LRRC4C: variants seen among roughly 807,000 people sequenced by gnomAD.
The protein encoded by LRRC4C is leucine rich repeat containing 4C.
In LRRC4C, 5 loss-of-function variants were observed where a neutral mutation model predicts 33.6. The observed-to-expected ratio is 0.15, with a 90% CI of 0.08 to 0.31. The LOEUF (loss-of-function observed/expected upper bound fraction) is 0.31. LRRC4C is among the 10% of genes least tolerant of loss of function. The pLI, the probability that LRRC4C is intolerant of heterozygous loss-of-function variation, is 1.00. For missense variants in LRRC4C, 560 were observed against 796.7 expected, an observed-to-expected ratio of 0.70 and a Z score of 3.58; for synonymous variants, 329 against 302.0, an observed-to-expected ratio of 1.09 and a Z score of -0.93.
chr11:41,091,235 T>G (rs1160567142), intron 1 of LRRC4C, among the ~76,000 whole-genome samples: 2 of 151,914 alleles, frequency 1.3e-5, no homozygotes, highest in African/African-American at 4.8e-5. Flanking sequence ...AGAGGAAGTT[T>G]AGTGATATGT....
chr11:40,267,028 A>G (rs1167052724), intron 4 of LRRC4C, among the ~76,000 whole-genome samples: 1 of 137,618 alleles, frequency 7.3e-6, no homozygotes, highest in African/African-American at 2.7e-5. Context: ...CTTCATCCTA[A>G]ACCTTCCCTT....
At chr11:40,681,496 G>T (rs767588748) in intron 2 of LRRC4C, among the ~76,000 whole-genome samples, 1 of 152,152 alleles carries the variant, frequency 6.6e-6, no homozygotes, top group Non-Finnish European at 1.5e-5. Context: ...TGGCAATGTG[G>T]TAGTGAAAAA....
intron 1 of LRRC4C, among the ~76,000 whole-genome samples, chr11:41,370,564 A>T (rs1028753561): frequency 1.2e-4 from 18 of 152,218 alleles, no homozygotes; most frequent in Admixed American, 7.2e-4. Flanking sequence ...TGCCGCCACC[A>T]TGTAAGAAGC....
chr11:40,959,349 G>A (rs116144273), intron 1 of LRRC4C, among the ~76,000 whole-genome samples: 123 of 151,638 alleles, frequency 8.1e-4, no homozygotes, highest in African/African-American at 2.9e-3. Flanking sequence ...GGTTTATTAC[G>A]GAAAGTTCCA....
At chr11:40,635,628 ATTTTTTTTTTTTTTT>A (rs71060975) in intron 3 of LRRC4C, among the ~76,000 whole-genome samples, 1 of 92,198 alleles carries the variant, frequency 1.1e-5, no homozygotes, top group Non-Finnish European at 2.0e-5. Flanking sequence ...AAAGAACCAA[ATTTTTTTTTTTTTTT>A]TTTTTTTTTT....
chr11:40,976,977 A>G (rs1365632299), intron 1 of LRRC4C, among the ~76,000 whole-genome samples: 1 of 152,118 alleles, frequency 6.6e-6, no homozygotes, highest in Non-Finnish European at 1.5e-5. Context: ...GTAATATTGA[A>G]TCAGTGTGAA....
At chr11:40,285,774 G>C (rs997899714) in intron 4 of LRRC4C, among the ~76,000 whole-genome samples, 15 of 152,130 alleles carry the variant, frequency 9.9e-5, no homozygotes, top group African/African-American at 3.6e-4. Context: ...TTCAGATTGA[G>C]TACCTGGTTA....
At chr11:40,577,836 T>TTC (rs1555108062) in intron 3 of LRRC4C, among the ~76,000 whole-genome samples, 1 of 69,424 alleles carries the variant, frequency 1.4e-5, no homozygotes, top group East Asian at 3.4e-4. Flanking sequence ...TTTTTTCTTT[T>TTC]TTTTTTTTTT....
intron 1 of LRRC4C, among the ~76,000 whole-genome samples, chr11:41,390,127 G>C (rs567961669): frequency 9.9e-5 from 15 of 151,970 alleles, no homozygotes; most frequent in African/African-American, 3.4e-4. Context: ...TAATTATTTT[G>C]TTTGCCGAGG....
chr11:40,889,652 T>C (rs1410886061), intron 2 of LRRC4C, among the ~76,000 whole-genome samples: 2 of 152,176 alleles, frequency 1.3e-5, no homozygotes. Flanking sequence ...TTGGGTGTTC[T>C]GCATTCTGGC....
At chr11:41,424,379 T>C (rs1208108230) in intron 1 of LRRC4C, among the ~76,000 whole-genome samples, 1 of 152,132 alleles carries the variant, frequency 6.6e-6, no homozygotes, top group Non-Finnish European at 1.5e-5. Context: ...ACTAGGTTTA[T>C]ATTACCATTT....
chr11:40,812,316 T>TAC (rs758865684), intron 2 of LRRC4C, among the ~76,000 whole-genome samples: 4 of 152,212 alleles, frequency 2.6e-5, no homozygotes, highest in Non-Finnish European at 5.9e-5. Flanking sequence ...CTCTGACTGA[T>TAC]ACACAGTCTT....
chr11:40,729,045 G>C (rs1947430694), intron 2 of LRRC4C, among the ~76,000 whole-genome samples: 1 of 152,028 alleles, frequency 6.6e-6, no homozygotes, highest in Non-Finnish European at 1.5e-5. Context: ...TTCACTACCT[G>C]GGTGACAGGA....
At chr11:40,562,125 C>G (rs1957573598) in intron 3 of LRRC4C, among the ~76,000 whole-genome samples, 1 of 152,170 alleles carries the variant, frequency 6.6e-6, no homozygotes, top group Admixed American at 6.5e-5. Flanking sequence ...AGATTTCAGT[C>G]TAAACACTTA....
intron 3 of LRRC4C, among the ~76,000 whole-genome samples, chr11:40,437,744 T>C (rs914457445): frequency 1.3e-5 from 2 of 149,544 alleles, no homozygotes; most frequent in Non-Finnish European, 3.0e-5. Context: ...AGTATTGCTC[T>C]GTTGCCAGGC....
chr11:40,761,944 G>A (rs1949235031), intron 2 of LRRC4C, among the ~76,000 whole-genome samples: 1 of 152,070 alleles, frequency 6.6e-6, no homozygotes, highest in Non-Finnish European at 1.5e-5. Context: ...TTATCTATTT[G>A]TCATACTTGA....
intron 3 of LRRC4C, among the ~76,000 whole-genome samples, chr11:40,339,286 A>C (rs1006098958): frequency 6.6e-6 from 1 of 152,164 alleles, no homozygotes; most frequent in Admixed American, 6.5e-5. Context: ...AATAAAGAAC[A>C]CTTTGTCTTT....
chr11:41,218,495 G>A (rs1331335443), intron 1 of LRRC4C, among the ~76,000 whole-genome samples: 3 of 152,172 alleles, frequency 2.0e-5, no homozygotes, highest in Non-Finnish European at 4.4e-5. Context: ...GCAACCGCCT[G>A]AGCTAAGGCA....
chr11:41,043,654 A>G (rs540053220), intron 1 of LRRC4C, among the ~76,000 whole-genome samples: 40 of 152,136 alleles, frequency 2.6e-4, no homozygotes, highest in Non-Finnish European at 5.6e-4. Context: ...AAAAAAAATT[A>G]AGCAACTTGC....
Sources: gnomAD v4.1 joint callset for allele counts (sites outside exome capture counted in the v4.1 genomes callset) on GRCh38, gnomAD v4.1.1 for gene constraint, MANE v1.5 for transcripts, NCBI Gene and HGNC (gene_info 2026-07-23, HGNC 2026-07-21) for gene names.